Variants in LMBR1 observed in about 807,000 individuals in gnomAD.
The protein encoded by LMBR1 is limb development membrane protein 1, also known as limb region 1 protein homolog.
LMBR1 carries 52 observed loss-of-function variants against 73.9 expected under a neutral mutation model. The ratio of observed to expected loss-of-function variants is 0.70; its 90% CI spans 0.56 to 0.89. LMBR1 has a LOEUF of 0.89. Ranked by LOEUF, LMBR1 falls within the 40% of genes least tolerant of loss-of-function variation. The probability of loss-of-function intolerance (pLI) is 0.00; values close to 1 mark genes in which losing one functional copy is unlikely to be tolerated. For missense variants in LMBR1, 539 were observed against 579.8 expected (o/e 0.93, Z 0.72); for synonymous variants, 215 against 209.4 (o/e 1.03, Z -0.23).
intron 15 of LMBR1, among the ~76,000 whole-genome samples, chr7:156,697,031 CA>C (rs1345304977): frequency 6.7e-6 from 1 of 150,312 alleles, no homozygotes; most frequent in Admixed American, 6.6e-5. Context: ...TTCTATTTTC[CA>C]TAAGTGTAGG....
chr7:156,847,259 C>G (rs1344771791), intron 1 of LMBR1, among the ~76,000 whole-genome samples: 1 of 152,062 alleles, frequency 6.6e-6, no homozygotes, highest in Admixed American at 6.6e-5. Context: ...AGACATAGAC[C>G]TTATACACTT....
At chr7:156,762,606 A>G (rs1823265326) in intron 7 of LMBR1, among the ~76,000 whole-genome samples, 1 of 152,258 alleles carries the variant, frequency 6.6e-6, no homozygotes, top group South Asian at 2.1e-4. Flanking sequence ...AGTCCTTTAA[A>G]CTACATTTAT....
At chr7:156,673,709 T>C (rs1483750703), downstream of LMBR1, among the ~76,000 whole-genome samples, 1 of 152,126 alleles carries the variant, frequency 6.6e-6, no homozygotes. Context: ...CCTCTCATCC[T>C]TAAAGCCAAT....
intron 8 of LMBR1, among the ~76,000 whole-genome samples, 158 bp downstream of exon 8, chr7:156,761,976 C>CAAAAAAAAAAAAAAAAAA (rs552712592): frequency 3.8e-5 from 4 of 104,180 alleles, no homozygotes; most frequent in African/African-American, 8.0e-5. Context: ...GACTCTGTCT[C>CAAAAAAAAAAAAAAAAAA]AAAAAAAAAA....
At chr7:156,714,566 G>T (rs538552053) in intron 15 of LMBR1, among the ~76,000 whole-genome samples, 1 of 152,190 alleles carries the variant, frequency 6.6e-6, no homozygotes, top group Non-Finnish European at 1.5e-5. Flanking sequence ...GTTACCTTAA[G>T]GAAACTGTAC....
At chr7:156,700,030 A>G (rs1809287289) in intron 15 of LMBR1, among the ~76,000 whole-genome samples, 1 of 152,200 alleles carries the variant, frequency 6.6e-6, no homozygotes, top group Non-Finnish European at 1.5e-5. Context: ...TGACCCAGCC[A>G]TCCCATTACT....
intron 1 of LMBR1, among the ~76,000 whole-genome samples, chr7:156,873,962 G>A (rs553931649): frequency 5.9e-5 from 9 of 152,378 alleles, no homozygotes; most frequent in Non-Finnish European, 1.2e-4. Flanking sequence ...TCCGCACTAG[G>A]GCTGCAGGTG....
At chr7:156,843,041 C>A (rs1838992177) in intron 1 of LMBR1, among the ~76,000 whole-genome samples, 2 of 152,182 alleles carry the variant, frequency 1.3e-5, no homozygotes, top group Non-Finnish European at 2.9e-5. Flanking sequence ...GTAAACCTAA[C>A]AGGAAAATTA....
chr7:156,734,268 C>CA lies in LMBR1; in HGVS notation c.758-12dup, dbSNP rs1325658062. On this transcript the variant is annotated splice_polypyrimidine_tract_variant and intron_variant, in intron 9 of 16. Transcript: ENST00000353442. ...CCGATGAAGACAGCCCTGTTCAAAG[C>CA]AAAAAATATTTAGAAGTAAAACAGA... 4 of 1,576,170 alleles carry CA rather than the reference C, an allele frequency of 2.5e-6. No individual in the cohort carries two copies. The highest frequency in any genetic ancestry group is 1.4e-5 in the African/African-American group (1 of 72,938).
At chr7:156,727,094 T>G (rs545297374) in intron 12 of LMBR1, among the ~76,000 whole-genome samples, 1 of 152,322 alleles carries the variant, frequency 6.6e-6, no homozygotes, top group East Asian at 1.9e-4. Context: ...TTTCTCTTAT[T>G]AATCTTTTGT....
intron 16 of LMBR1, among the ~76,000 whole-genome samples, chr7:156,686,597 G>C (rs1254133155): frequency 6.6e-6 from 1 of 152,166 alleles, no homozygotes; most frequent in Non-Finnish European, 1.5e-5. Context: ...TACAACTCTT[G>C]CTAATTCTAC....
intron 15 of LMBR1, among the ~76,000 whole-genome samples, chr7:156,718,118 G>A (rs192216846): frequency 6.6e-6 from 1 of 152,258 alleles, no homozygotes; most frequent in Admixed American, 6.5e-5. Flanking sequence ...TACTCAGCCT[G>A]GCTAGGCACG....
chr7:156,739,844 C>T (rs773061199), intron 9 of LMBR1, among the ~76,000 whole-genome samples: 1 of 152,064 alleles, frequency 6.6e-6, no homozygotes, highest in Non-Finnish European at 1.5e-5. Flanking sequence ...CAGACACTGA[C>T]GAATATCCAC....
intron 15 of LMBR1, among the ~76,000 whole-genome samples, chr7:156,694,779 G>A (rs756434994): frequency 6.6e-6 from 1 of 152,110 alleles, no homozygotes; most frequent in Non-Finnish European, 1.5e-5. Flanking sequence ...ACTAAGAATG[G>A]ACTTTCCAAA....
intron 16 of LMBR1, among the ~76,000 whole-genome samples, chr7:156,687,525 TC>T (rs922552367): frequency 6.6e-6 from 1 of 152,166 alleles, no homozygotes; most frequent in African/African-American, 2.4e-5. Flanking sequence ...TAACAGTAAA[TC>T]CCCTCTCTTC....
intron 10 of LMBR1, among the ~76,000 whole-genome samples, chr7:156,732,927 T>A (rs1002298727): frequency 2.6e-5 from 4 of 152,168 alleles, no homozygotes; most frequent in African/African-American, 9.7e-5. Flanking sequence ...GCAGAACACT[T>A]GAGCCCAGGA....
intron 4 of LMBR1, among the ~76,000 whole-genome samples, chr7:156,807,280 G>A (rs9638092): frequency 0.071 from 10,732 of 152,206 alleles, 429 homozygotes; most frequent in Middle Eastern, 0.12. Flanking sequence ...CAATTTTCTA[G>A]AAGAATCTGT....
At chr7:156,753,428 T>A (rs563277442) in intron 9 of LMBR1, among the ~76,000 whole-genome samples, 3 of 151,870 alleles carry the variant, frequency 2.0e-5, no homozygotes, top group African/African-American at 7.3e-5. Flanking sequence ...AAATGAGGGA[T>A]GTGGGTAGAA....
At chr7:156,872,259 T>A (rs1256928694) in intron 1 of LMBR1, 2 of 152,010 alleles carry the variant, frequency 1.3e-5, no homozygotes, top group African/African-American at 4.8e-5. Flanking sequence ...TTCAATAAAG[T>A]TGCAGGATAG....
Sources: allele counts gnomAD v4.1 joint callset (sites outside exome capture counted in the v4.1 genomes callset), GRCh38; gene constraint gnomAD v4.1.1; transcripts MANE v1.5; gene names NCBI Gene and HGNC (gene_info 2026-07-23, HGNC 2026-07-21).